The following ADGRE5 variants were observed in gnomAD, a reference collection of about 807,000 sequenced individuals.
ADGRE5 encodes the protein adhesion G protein-coupled receptor E5.
Under a neutral mutation model 100.3 loss-of-function variants are expected in ADGRE5, and 72 were observed. The observed-to-expected ratio is 0.72, with a 90% CI of 0.59 to 0.87. The LOEUF is 0.87. ADGRE5 is among the 40% of genes least tolerant of loss of function. The probability of loss-of-function intolerance (pLI) is 0.00; values close to 1 mark genes in which losing one functional copy is unlikely to be tolerated. For synonymous variants in ADGRE5, 439 were observed against 447.8 expected (o/e 0.98, Z 0.25); for missense variants, 959 against 1,094.7 (o/e 0.88, Z 1.75).
At chr19:14,392,289 A>T (rs1975628370) in intron 4 of ADGRE5, among the ~76,000 whole-genome samples, 1 of 118,842 alleles carries the variant, frequency 8.4e-6, no homozygotes, top group African/African-American at 3.7e-5. Context: ...AAGAGTCCTT[A>T]TCTTTTATTT....
chr19:14,385,955 G>A (rs900648544), intron 1 of ADGRE5, among the ~76,000 whole-genome samples: 3 of 151,746 alleles, frequency 2.0e-5, no homozygotes, highest in African/African-American at 7.3e-5. Flanking sequence ...ATTTTCAGTA[G>A]AGAGGGGGTT....
At chr19:14,392,359 A>G (rs1452954674) in intron 4 of ADGRE5, among the ~76,000 whole-genome samples, 2 of 151,538 alleles carry the variant, frequency 1.3e-5, no homozygotes, top group African/African-American at 4.8e-5. Context: ...GGAGGGCAGT[A>G]GTGTGATCTC....
Position 14,401,076 on chromosome 19 carries a change from T to G in ADGRE5, c.898-310T>G, listed in dbSNP as rs1003870027. Among the ~76,000 whole-genome samples, 3 of 151,758 alleles carry G rather than the reference T, an allele frequency of 2.0e-5. No individual in the cohort carries two copies. Among genetic ancestry groups the G allele is most frequent in the Admixed American group, 2.0e-4 (3 of 15,216 alleles). ...GAGGTGGAGGTTGCAGTGAGCTGAT[T>G]ATGCCACTGCACTCAAGCCTGGGCA... On this transcript the variant is annotated intron_variant, in intron 9 of 19. Coordinates refer to ENST00000242786, the MANE Select transcript of ADGRE5 (RefSeq NM_078481.4). This position sits in a 1 kb window ranked among gnomAD's most constrained non-coding sequence, Gnocchi z 4.1.
At chr19:14,408,065 C>A in intron 19 of ADGRE5, 27 bp from the exon 20 acceptor site, 1 of 1,614,102 alleles carries the variant, frequency 6.2e-7, no homozygotes. Context: ...GCTAGCGGGG[C>A]TCAGGCCTCT....
intron 5 of ADGRE5, among the ~76,000 whole-genome samples, chr19:14,396,714 CTGTCACG>C: frequency 6.6e-6 from 1 of 152,382 alleles, no homozygotes; most frequent in South Asian, 2.1e-4. Flanking sequence ...CCTTCCTCAT[CTGTCACG>C]TGCGAGTGGA....
chr19:14,404,635 C>A, intron 13 of ADGRE5, 73 bp downstream of exon 13: 3 of 1,428,328 alleles, frequency 2.1e-6, no homozygotes, highest in Admixed American at 2.1e-5. Context: ...GCAGCTAGTT[C>A]TCCATGGAGC....
chr19:14,407,312 G>T, intron 18 of ADGRE5, 83 bp downstream of exon 18: 1 of 1,496,818 alleles, frequency 6.7e-7, no homozygotes, highest in Admixed American at 1.7e-5. Context: ...CTTGAGCCCA[G>T]AAGTTGGAGA....
In ADGRE5 at chr19:14,397,238, T is replaced by C. The variant is rs1430631689; in HGVS notation, c.625+15T>C. The C allele has an allele frequency of 1.2e-6, 2 of 1,613,800 alleles. No homozygotes were observed. Among genetic ancestry groups the C allele is most frequent in the South Asian group, 2.2e-5 (2 of 91,068 alleles). The stretch of plus-strand genomic sequence containing the variant: ...CGTCTGTGAAGGTCGAGAGCTCAGA[T>C]CCCACGTTTCTAGCGACCCACAAAC... On this transcript the variant is annotated intron_variant, in intron 6 of 19. Coordinates refer to ENST00000242786, the MANE Select transcript of ADGRE5 (RefSeq NM_078481.4).
intron 18 of ADGRE5, among the ~76,000 whole-genome samples, chr19:14,407,463 A>G (rs1030441988): frequency 1.3e-5 from 2 of 152,152 alleles, no homozygotes; most frequent in East Asian, 3.9e-4. Flanking sequence ...CAGCCTGGCC[A>G]ACATGGTGAA....
intron 4 of ADGRE5, among the ~76,000 whole-genome samples, chr19:14,394,304 T>G (rs1975699743): frequency 6.6e-6 from 1 of 152,016 alleles, no homozygotes; most frequent in East Asian, 1.9e-4. Context: ...GCCCCTCCCT[T>G]TAACCCAAGG....
At chr19:14,390,524 A>G (rs1975564319) in intron 3 of ADGRE5, among the ~76,000 whole-genome samples, 1 of 152,056 alleles carries the variant, frequency 6.6e-6, no homozygotes, top group Non-Finnish European at 1.5e-5. Flanking sequence ...GGGTTTTGCC[A>G]TCTTGGCCAG....
At chr19:14,386,940 G>A (rs980292294) in intron 1 of ADGRE5, among the ~76,000 whole-genome samples, 31 of 151,834 alleles carry the variant, frequency 2.0e-4, no homozygotes, top group Non-Finnish European at 3.7e-4. Flanking sequence ...GCTTGAACCC[G>A]GGAGGTGGAG....
chr19:14,387,283 C>G (rs1260796988), intron 1 of ADGRE5, among the ~76,000 whole-genome samples: 1 of 152,072 alleles, frequency 6.6e-6, no homozygotes, highest in African/African-American at 2.4e-5. Context: ...AGCTGAGACC[C>G]CCACCAGGCT....
intron 2 of ADGRE5, 67 bp downstream of exon 2, chr19:14,388,567 C>T (rs936298206): frequency 8.6e-5 from 137 of 1,591,868 alleles, no homozygotes; most frequent in South Asian, 3.0e-4. Flanking sequence ...TGGACCCCCG[C>T]CCAGCCCCCT....
chr19:14,396,252 A>G, intron 4 of ADGRE5, 90 bp from the exon 5 acceptor site: 1 of 1,611,018 alleles, frequency 6.2e-7, no homozygotes, highest in Non-Finnish European at 8.5e-7. Context: ...TGCCTTCCAG[A>G]TGCTTCCGTG....
intron 9 of ADGRE5, among the ~76,000 whole-genome samples, chr19:14,398,646 G>A (rs1473701208): frequency 7.2e-6 from 1 of 138,356 alleles, no homozygotes; most frequent in Non-Finnish European, 1.5e-5. Context: ...CTGCACTGCA[G>A]CCTGGGCGAC....
chr19:14,398,227 G>A (rs550795937), intron 9 of ADGRE5, 88 bp downstream of exon 9: 3 of 1,195,996 alleles, frequency 2.5e-6, no homozygotes, highest in Admixed American at 1.8e-5. Flanking sequence ...CCCAACCCAA[G>A]CAGGGGCCTC....
intron 13 of ADGRE5, chr19:14,405,020 T>A (rs984535024): frequency 6.1e-6 from 1 of 163,316 alleles, no homozygotes; most frequent in African/African-American, 2.4e-5. Flanking sequence ...ATTTTTGGTA[T>A]TTTTAGTAGA....
At chr19:14,385,281 G>T (rs1975305816) in intron 1 of ADGRE5, among the ~76,000 whole-genome samples, 1 of 151,666 alleles carries the variant, frequency 6.6e-6, no homozygotes, top group Non-Finnish European at 1.5e-5. Context: ...CAAAGTGCTG[G>T]GATTACAGGC....
Sources: allele counts gnomAD v4.1 joint callset (sites outside exome capture counted in the v4.1 genomes callset), GRCh38; gene constraint gnomAD v4.1.1; non-coding constraint Gnocchi (gnomAD v3.1); transcripts MANE v1.5; gene names NCBI Gene and HGNC (gene_info 2026-07-23, HGNC 2026-07-21).